ADCK1: variants seen among roughly 807,000 people sequenced by gnomAD.
ADCK1 encodes the protein aarF domain-containing protein kinase 1.
Under a neutral mutation model 52.3 loss-of-function variants are expected in ADCK1, and 41 were observed. The observed-to-expected ratio is 0.78, with a 90% CI of 0.61 to 1.02. The LOEUF (loss-of-function observed/expected upper bound fraction) is 1.02. ADCK1 is among the 50% of genes least tolerant of loss of function. The pLI is 0.00. For synonymous variants in ADCK1, 250 were observed against 274.6 expected, an observed-to-expected ratio of 0.91 and a Z score of 0.89; for missense variants, 658 against 679.5, an observed-to-expected ratio of 0.97 and a Z score of 0.35.
At chr14:77,876,077 T>C (rs1439424913) in intron 4 of ADCK1, among the ~76,000 whole-genome samples, 1 of 152,368 alleles carries the variant, frequency 6.6e-6, no homozygotes, top group South Asian at 2.1e-4. Flanking sequence ...TATTGGCTGC[T>C]GTCACAAATT....
At chr14:77,825,344 C>T (rs1028538388) in intron 3 of ADCK1, among the ~76,000 whole-genome samples, 2 of 151,478 alleles carry the variant, frequency 1.3e-5, no homozygotes, top group Non-Finnish European at 2.9e-5. Flanking sequence ...AGTTAGAAGA[C>T]CCGAGTTTGT....
intron 7 of ADCK1, 22 bp downstream of exon 7, chr14:77,907,941 T>C (rs772743037): frequency 6.2e-7 from 1 of 1,606,680 alleles, no homozygotes; most frequent in Non-Finnish European, 8.5e-7. Flanking sequence ...AGCTCAGGGC[T>C]GCTGTGCCGG....
intron 5 of ADCK1, among the ~76,000 whole-genome samples, chr14:77,896,821 A>C (rs1468361954): frequency 6.6e-6 from 1 of 152,248 alleles, no homozygotes; most frequent in East Asian, 1.9e-4. Flanking sequence ...GACAAAACTC[A>C]AAAGAAATTA....
chr14:77,901,190 A>G (rs2083533983), intron 6 of ADCK1, among the ~76,000 whole-genome samples: 2 of 151,000 alleles, frequency 1.3e-5, no homozygotes, highest in East Asian at 1.9e-4. Context: ...GATCATAGGC[A>G]TGTGCCACCA....
chr14:77,814,911 G>A (rs1238560075), intron 1 of ADCK1, among the ~76,000 whole-genome samples: 1 of 148,814 alleles, frequency 6.7e-6, no homozygotes, highest in Non-Finnish European at 1.5e-5. Context: ...TTTTTTTTGA[G>A]AAGGAGTCTC....
intron 3 of ADCK1, among the ~76,000 whole-genome samples, chr14:77,843,107 G>T (rs1047114376): frequency 6.6e-6 from 1 of 151,920 alleles, no homozygotes; most frequent in African/African-American, 2.4e-5. Flanking sequence ...GCCCAGGCTG[G>T]TCTCAAACTC....
rs548706499 is a variant in ADCK1, at chr14:77,901,100, A to G, written c.741+1842A>G. ...CGCTCTGTTGCCCAGACTGGAGTGCAGTGGCGCGATCTCAGCTCACTGCAG... is the reference window on the plus strand; with the variant it reads ...CGCTCTGTTGCCCAGACTGGAGTGCGGTGGCGCGATCTCAGCTCACTGCAG... On this transcript the variant is annotated intron_variant, in intron 6 of 10. Coordinates refer to ENST00000238561, the MANE Select transcript of ADCK1 (RefSeq NM_020421.4). Among the ~76,000 whole-genome samples the G allele has an allele frequency of 1.9e-3, 287 of 148,704 alleles. 1 individual carries two copies. The highest frequency in any genetic ancestry group is 6.8e-3 in the African/African-American group (273 of 40,232).
In ADCK1 at chr14:77,923,711, C is replaced by T. The variant is rs2084115683; in HGVS notation, c.859-746C>T. On this transcript the variant is annotated intron_variant, in intron 7 of 10. Coordinates refer to ENST00000238561, the MANE Select transcript of ADCK1 (RefSeq NM_020421.4). The surrounding 1 kb of genome is among the most constrained non-coding windows in gnomAD (Gnocchi z 4.3). ...GTCTGGCTTTATTCAGCAGCTGTTC[C>T]TTAGCGGGGAAGAGGCTTTTAGCTT... 1 of 152,174 alleles carries T rather than the reference C, an allele frequency of 6.6e-6. No homozygotes were observed. Among genetic ancestry groups the T allele is most frequent in the African/African-American group, 2.4e-5 (1 of 41,436 alleles). 9.4% of individuals were successfully genotyped at this position (152,174 alleles called of 1,614,324 possible).
At chr14:77,813,144 A>G (rs1207310203) in intron 1 of ADCK1, among the ~76,000 whole-genome samples, 20 of 151,362 alleles carry the variant, frequency 1.3e-4, no homozygotes, top group African/African-American at 2.4e-5. Context: ...CTGGGATTAT[A>G]GGCATGCGCC....
intron 3 of ADCK1, among the ~76,000 whole-genome samples, chr14:77,839,186 G>A (rs886651463): frequency 1.6e-4 from 25 of 152,188 alleles, no homozygotes; most frequent in Non-Finnish European, 3.2e-4. Flanking sequence ...CTCGCATGAT[G>A]TTTTTCAGCT....
intron 10 of ADCK1, among the ~76,000 whole-genome samples, chr14:77,932,183 G>C (rs2084357713): frequency 1.3e-5 from 2 of 152,064 alleles, no homozygotes; most frequent in South Asian, 4.2e-4. Flanking sequence ...CGAGTAGCTA[G>C]AATTACAGGC....
intron 5 of ADCK1, among the ~76,000 whole-genome samples, chr14:77,893,161 G>T (rs1457512267): frequency 6.6e-6 from 1 of 152,192 alleles, no homozygotes; most frequent in Non-Finnish European, 1.5e-5. Context: ...CACGGCCAGT[G>T]ACTCTTATTG....
intron 3 of ADCK1, among the ~76,000 whole-genome samples, chr14:77,832,057 A>G (rs1251593869): frequency 6.6e-6 from 1 of 151,076 alleles, no homozygotes; most frequent in Non-Finnish European, 1.5e-5. Flanking sequence ...GGCTTACTGC[A>G]GCCTCTACCT....
chr14:77,827,350 C>CAAAA (rs772586548), intron 3 of ADCK1, among the ~76,000 whole-genome samples: 7 of 72,032 alleles, frequency 9.7e-5, no homozygotes, highest in South Asian at 4.5e-4. Flanking sequence ...GACTCTGTCT[C>CAAAA]AAAAAAAAAA....
chr14:77,851,408 G>A (rs907311494), intron 3 of ADCK1, among the ~76,000 whole-genome samples: 5 of 152,118 alleles, frequency 3.3e-5, no homozygotes, highest in Admixed American at 6.6e-5. Flanking sequence ...GAGCCACTGC[G>A]CCTGGCCATA....
chr14:77,882,005 T>G (rs953958807), intron 4 of ADCK1, among the ~76,000 whole-genome samples: 1 of 152,158 alleles, frequency 6.6e-6, no homozygotes, highest in African/African-American at 2.4e-5. Context: ...GGCAGGTCCC[T>G]GGGAAGTGGT....
intron 3 of ADCK1, among the ~76,000 whole-genome samples, chr14:77,833,080 A>T (rs111980975): frequency 6.6e-6 from 1 of 152,316 alleles, no homozygotes; most frequent in South Asian, 2.1e-4. Context: ...GGCAGAAGGC[A>T]TGAAATCACC....
chr14:77,845,647 G>A (rs11621635), intron 3 of ADCK1, among the ~76,000 whole-genome samples: 64,997 of 151,954 alleles, frequency 0.43, 14,689 homozygotes, highest in Admixed American at 0.53. Context: ...TTGGTCTCGA[G>A]TTCCTGGCCT....
intron 1 of ADCK1, among the ~76,000 whole-genome samples, chr14:77,813,979 G>T (rs967340487): frequency 2.6e-5 from 4 of 151,960 alleles, no homozygotes; most frequent in Admixed American, 2.6e-4. Context: ...TGTTGGCAAG[G>T]CTGGTCTCAA....
Sources: gnomAD v4.1 joint callset for allele counts (sites outside exome capture counted in the v4.1 genomes callset) on GRCh38, gnomAD v4.1.1 for gene constraint, Gnocchi (gnomAD v3.1) non-coding constraint, MANE v1.5 for transcripts, NCBI Gene and HGNC (gene_info 2026-07-23, HGNC 2026-07-21) for gene names.